Variants in ADAMTS14 observed in about 807,000 individuals in gnomAD.
ADAMTS14 encodes ADAM metallopeptidase with thrombospondin type 1 motif 14.
A neutral mutation model predicts 128.6 loss-of-function variants in ADAMTS14; 100 were observed. That is an observed-to-expected ratio of 0.78 (90% CI 0.66 to 0.92). ADAMTS14 has a LOEUF of 0.92. Ranked by LOEUF, ADAMTS14 falls within the 40% of genes least tolerant of loss-of-function variation. The pLI is 0.00. For synonymous variants in ADAMTS14, 665 were observed against 653.8 expected, an observed-to-expected ratio of 1.02 and a Z score of -0.26; for missense variants, 1,562 against 1,658.6, an observed-to-expected ratio of 0.94 and a Z score of 1.01.
intron 2 of ADAMTS14, among the ~76,000 whole-genome samples, chr10:70,688,195 T>A (rs1166864771): frequency 8.6e-4 from 30 of 34,776 alleles, no homozygotes; most frequent in South Asian, 2.6e-3. Context: ...AGACGGGGTC[T>A]CGGCCGGGCA....
At chr10:70,735,386 C>T in intron 9 of ADAMTS14, 85 bp downstream of exon 9, 2 of 1,527,974 alleles carry the variant, frequency 1.3e-6, no homozygotes, top group South Asian at 2.6e-5. Context: ...CATGAGGTGC[C>T]TTCTGCCCAG....
rs1472318459 is a variant in ADAMTS14, at chr10:70,729,329, T to G, written c.906T>G (p.Val302=). ...TTTACCACGATGAGTCCCTGGGGGT[T>G]CATATAAATATTGCCCTCGTCCGCT... The part of the protein sequence containing the change: ...DEIYHDESLG[V]HINIALVRLI... Residue 302 remains valine, a synonymous_variant, in exon 5 of 22, where the codon GTT becomes GTG. Coordinates refer to ENST00000373207, the MANE Select transcript of ADAMTS14 (RefSeq NM_080722.4). The G allele has an allele frequency of 8.1e-6, 13 of 1,613,910 alleles. No homozygotes were observed. The highest frequency in any genetic ancestry group is 1.0e-5 in the Non-Finnish European group (12 of 1,179,988).
At chr10:70,689,958 A>G (rs1015742759) in intron 2 of ADAMTS14, among the ~76,000 whole-genome samples, 3 of 144,486 alleles carry the variant, frequency 2.1e-5, no homozygotes, top group African/African-American at 7.3e-5. Context: ...TCTCTTCTCC[A>G]TGGCTCCTTC....
At chr10:70,746,477 A>T (rs1374752157) in intron 15 of ADAMTS14, among the ~76,000 whole-genome samples, 1 of 152,150 alleles carries the variant, frequency 6.6e-6, no homozygotes, top group Non-Finnish European at 1.5e-5. Context: ...GGGCGATGAA[A>T]ATGTTCTGGA....
At position 70,749,978 on chromosome 10, in the gene ADAMTS14, C is replaced by A. The variant is rs1280396768; in HGVS notation, c.2420C>A (p.Ala807Asp). 3 of 1,613,814 alleles carry A rather than the reference C, an allele frequency of 1.9e-6. No homozygotes were observed. In the East Asian group the frequency reaches 6.7e-5, roughly 36 times the overall value. ...AGCGGGCCCCTGCCTGAAGCCATTG[C>A]CATCCTGGTGAGCCCCACTCTGTGC... ...KTSGPLPEAI[A>D]ILALPPTEGG... The change falls in exon 16 of 22, where the codon GCC (alanine) becomes GAC (aspartate). Residue 807 changes from alanine (A) to aspartate (D), a missense_variant. By Grantham distance (126) the Ala-to-Asp change is moderately radical. Coordinates refer to ENST00000373207, the MANE Select transcript of ADAMTS14 (RefSeq NM_080722.4).
At chr10:70,729,409 G>T in intron 5 of ADAMTS14, 32 bp downstream of exon 5, 1 of 1,575,156 alleles carries the variant, frequency 6.3e-7, no homozygotes, top group Non-Finnish European at 8.7e-7. Flanking sequence ...CAGGGTTTGC[G>T]GGGAGAAGGG....
intron 21 of ADAMTS14, 63 bp from the exon 22 acceptor site, chr10:70,760,297 G>A (rs1286119812): frequency 6.7e-7 from 1 of 1,501,492 alleles, no homozygotes; most frequent in Non-Finnish European, 8.9e-7. Flanking sequence ...TGGGAGGGGG[G>A]GCCACCTGAC....
In ADAMTS14 at chr10:70,725,087, C is replaced by G. The variant is rs370942647; in HGVS notation, c.871-4207C>G. ...GATTCTAGGTTGATGGTTTCTTTATCTCGGTGCTTAGATGGTGCTAATACA... is the reference window on the plus strand; with the variant it reads ...GATTCTAGGTTGATGGTTTCTTTATGTCGGTGCTTAGATGGTGCTAATACA... On this transcript the variant is annotated intron_variant, in intron 4 of 21. Coordinates refer to ENST00000373207, the MANE Select transcript of ADAMTS14 (RefSeq NM_080722.4). Among the ~76,000 whole-genome samples the G allele has an allele frequency of 1.2e-4, 19 of 152,144 alleles. No individual in the cohort carries two copies. The East Asian group carries it at 2.7e-3, about 22-fold the overall frequency.
At chr10:70,734,960 C>T (rs1037168637) in intron 8 of ADAMTS14, among the ~76,000 whole-genome samples, 2 of 152,196 alleles carry the variant, frequency 1.3e-5, no homozygotes, top group Non-Finnish European at 2.9e-5. Flanking sequence ...CAAATGGAGC[C>T]CTTCCAGATA....
intron 2 of ADAMTS14, among the ~76,000 whole-genome samples, chr10:70,700,816 T>A (rs1840471328): frequency 6.6e-6 from 1 of 152,220 alleles, no homozygotes; most frequent in South Asian, 2.1e-4. Flanking sequence ...TTTTTCCATT[T>A]GTCCCTGCCC....
Position 70,744,114 on chromosome 10 carries a change from T to C in ADAMTS14, c.2107T>C (p.Cys703Arg), listed in dbSNP as rs1258392730. ...GGGGTCCATGAAGGCGGATGACAAGTGTGGAGTCTGCGGGGGTGACAACTC... is the reference window on the plus strand; with the variant it reads ...GGGGTCCATGAAGGCGGATGACAAGCGTGGAGTCTGCGGGGGTGACAACTC... ...EVGSMKADDK[C>R]GVCGGDNSHC... The change falls in exon 14 of 22, where the codon TGT becomes CGT. Residue 703 changes from cysteine to arginine, a missense_variant. Coordinates refer to ENST00000373207, the MANE Select transcript of ADAMTS14 (RefSeq NM_080722.4). 1 of 1,564,290 alleles carries C rather than the reference T, an allele frequency of 6.4e-7. No homozygotes were observed. Among genetic ancestry groups the C allele is most frequent in the African/African-American group, 1.4e-5 (1 of 73,558 alleles).
intron 5 of ADAMTS14, 100 bp from the exon 6 acceptor site, chr10:70,730,002 G>C: frequency 7.0e-7 from 1 of 1,422,890 alleles, no homozygotes; most frequent in Non-Finnish European, 9.4e-7. Context: ...GCAGTCCTCT[G>C]GGCCTTAGCG....
intron 3 of ADAMTS14, among the ~76,000 whole-genome samples, chr10:70,705,371 G>C (rs1448903586): frequency 6.6e-6 from 1 of 152,208 alleles, no homozygotes; most frequent in Non-Finnish European, 1.5e-5. Flanking sequence ...ATGTGCTCCT[G>C]CAGCCCGAGC....
chr10:70,755,033 C>T (rs1443423984), intron 19 of ADAMTS14, among the ~76,000 whole-genome samples: 5 of 152,160 alleles, frequency 3.3e-5, no homozygotes, highest in Non-Finnish European at 4.4e-5. Context: ...GGAATCCCAA[C>T]ACTTTGGGAG....
At chr10:70,694,642 C>T (rs568540862) in intron 2 of ADAMTS14, among the ~76,000 whole-genome samples, 6 of 152,292 alleles carry the variant, frequency 3.9e-5, no homozygotes, top group Middle Eastern at 3.4e-3. Flanking sequence ...TAATATGTGA[C>T]CTTTTGCATC....
chr10:70,743,712 G>A (rs1330734859), intron 13 of ADAMTS14, 31 bp downstream of exon 13: 6 of 1,538,356 alleles, frequency 3.9e-6, no homozygotes, highest in South Asian at 2.5e-5. Flanking sequence ...CCCGACTACC[G>A]GCACAGGGAG....
chr10:70,706,543 C>G (rs188561404), intron 3 of ADAMTS14, among the ~76,000 whole-genome samples: 1 of 152,208 alleles, frequency 6.6e-6, no homozygotes, highest in Non-Finnish European at 1.5e-5. Context: ...TGGGCTGCTG[C>G]GCTTGCCATT....
At chr10:70,738,447 C>T (rs1230341791) in intron 10 of ADAMTS14, among the ~76,000 whole-genome samples, 1 of 152,196 alleles carries the variant, frequency 6.6e-6, no homozygotes, top group African/African-American at 2.4e-5. Context: ...CTCATGATCC[C>T]TGGAAGGTGA....
chr10:70,754,111 C>G lies in ADAMTS14; in HGVS notation c.2937+104C>G, dbSNP rs144139299. 2.3e-5 allele frequency: 26 copies of G among 1,117,986 alleles called. No individual in the cohort carries two copies. The East Asian group carries it at 6.5e-4, about 28-fold the overall frequency. The allele number at this position is 1,117,986 out of a possible 1,614,324, so 69.3% of individuals were successfully genotyped here. On this transcript the variant is annotated intron_variant, in intron 19 of 21. Transcript: ENST00000373207. Reference sequence around the variant, plus strand: ...AGAGAGTTTCTGCCTGAATGGCTCCCCCTACATCAAATTTTGTTTTCCTTA... The same window carrying G: ...AGAGAGTTTCTGCCTGAATGGCTCCGCCTACATCAAATTTTGTTTTCCTTA...
Sources: allele counts gnomAD v4.1 joint callset (sites outside exome capture counted in the v4.1 genomes callset), GRCh38; gene constraint gnomAD v4.1.1; transcripts MANE v1.5; gene names NCBI Gene and HGNC (gene_info 2026-07-23, HGNC 2026-07-21).